Variants in FGD6 observed in about 807,000 individuals in gnomAD.
The protein encoded by FGD6 is FYVE, RhoGEF and PH domain containing 6.
A neutral mutation model predicts 149.4 loss-of-function variants in FGD6; 90 were observed. The ratio of observed to expected loss-of-function variants is 0.60; its 90% CI spans 0.51 to 0.72. The LOEUF (loss-of-function observed/expected upper bound fraction) is 0.72, where lower values mean the gene tolerates loss of function less well. Ranked by LOEUF, FGD6 falls within the 30% of genes least tolerant of loss-of-function variation. The pLI is 0.00. For synonymous variants in FGD6, 527 were observed against 584.0 expected, an observed-to-expected ratio of 0.90 and a Z score of 1.41; for missense variants, 1,437 against 1,684.8, an observed-to-expected ratio of 0.85 and a Z score of 2.57.
intron 2 of FGD6, among the ~76,000 whole-genome samples, chr12:95,185,377 C>T (rs1024006918): frequency 3.9e-5 from 6 of 152,018 alleles, no homozygotes; most frequent in South Asian, 2.1e-4. Context: ...AATAAACATT[C>T]GCTTCTGACA....
At chr12:95,162,252 G>A (rs1373866862) in intron 3 of FGD6, among the ~76,000 whole-genome samples, 5 of 152,076 alleles carry the variant, frequency 3.3e-5, no homozygotes, top group African/African-American at 1.2e-4. Flanking sequence ...GCCAGGTGCG[G>A]TGGCTCACAC....
chr12:95,124,238 T>C (rs1214635707), intron 8 of FGD6, among the ~76,000 whole-genome samples: 2 of 152,136 alleles, frequency 1.3e-5, no homozygotes, highest in Non-Finnish European at 2.9e-5. Flanking sequence ...AGTGGATACA[T>C]TTTCTAGTAG....
chr12:95,134,807 T>G lies in FGD6; in HGVS notation c.3014A>C (p.Asn1005Thr). 2 of 1,613,618 alleles carry G rather than the reference T, an allele frequency of 1.2e-6. No individual in the cohort carries two copies. Among genetic ancestry groups the G allele is most frequent in the Non-Finnish European group, 1.7e-6 (2 of 1,179,822 alleles). Residue 1005 changes from asparagine (N) to threonine (T), a missense_variant, in exon 8 of 21, where the codon AAT becomes ACT. Transcript: ENST00000343958. ...REFEMSPRCA[N>T]LALKHYLLKP... ...GAGCAGGTAGTGCTTGAGGGCCAGA[T>G]TAGCACAGCGAGGGCTCATCTGAAA...
chr12:95,197,485 T>C (rs539890843), intron 2 of FGD6, among the ~76,000 whole-genome samples: 2 of 152,206 alleles, frequency 1.3e-5, no homozygotes, highest in South Asian at 4.2e-4. Flanking sequence ...CCATAAAGTC[T>C]TCCTTCTCTA....
rs546909007 is a variant in FGD6 at position 95,081,400 on chromosome 12, A to C, written c.*120T>G. 1 of 681,286 alleles carries C rather than the reference A, an allele frequency of 1.5e-6. No homozygotes were observed. Among genetic ancestry groups the C allele is most frequent in the East Asian group, 3.2e-5 (1 of 30,970 alleles). The allele number at this position is 681,286 out of a possible 1,614,324, so 42.2% of individuals were successfully genotyped here. ...ACCTAACAAAACAATTTCTTTGATG[A>C]AGGGTCTGGTTGGCTTTATCTTGGC... On this transcript the variant is annotated 3_prime_UTR_variant, in exon 21 of 21. Coordinates refer to ENST00000343958, the MANE Select transcript of FGD6 (RefSeq NM_018351.4).
In FGD6 at chr12:95,157,941, G is replaced by A. The variant is rs146523229; in HGVS notation, c.2587-4948C>T. Among the ~76,000 whole-genome samples, 964 of 152,148 alleles carry A rather than the reference G, an allele frequency of 6.3e-3. 17 individuals carry two copies. Among genetic ancestry groups the A allele is most frequent in the African/African-American group, 0.022 (913 of 41,530 alleles). Reference sequence around the variant, plus strand: ...CAGCTCACTGTAACCTCCACCTCCCGGGTTCAAGCGATTTTCCTGCCTTAG... The same window carrying A: ...CAGCTCACTGTAACCTCCACCTCCCAGGTTCAAGCGATTTTCCTGCCTTAG... On this transcript the variant is annotated intron_variant, in intron 3 of 20. Transcript: ENST00000343958.
At chr12:95,213,907 C>T (rs746567419) in intron 1 of FGD6, among the ~76,000 whole-genome samples, 18 of 152,244 alleles carry the variant, frequency 1.2e-4, no homozygotes, top group Non-Finnish European at 2.1e-4. Context: ...AAGTCACAGA[C>T]ATAACTCAGG....
intron 14 of FGD6, 32 bp from the exon 15 acceptor site, chr12:95,094,726 T>C: frequency 6.7e-7 from 1 of 1,483,986 alleles, no homozygotes; most frequent in Non-Finnish European, 9.4e-7. Context: ...ATCAACCAGA[T>C]GTCAGTTTTT....
intron 8 of FGD6, among the ~76,000 whole-genome samples, chr12:95,132,799 A>C (rs1480155000): frequency 6.6e-6 from 1 of 152,104 alleles, no homozygotes; most frequent in Non-Finnish European, 1.5e-5. Flanking sequence ...ATAATATGTA[A>C]AAATTAATCT....
chr12:95,154,967 TAC>T (rs757346503), intron 3 of FGD6, among the ~76,000 whole-genome samples: 86 of 152,218 alleles, frequency 5.6e-4, no homozygotes, highest in Non-Finnish European at 9.8e-4. Flanking sequence ...AGTTTCCACA[TAC>T]AACACTGAGG....
intron 2 of FGD6, among the ~76,000 whole-genome samples, chr12:95,177,779 A>G (rs1048046386): frequency 6.6e-6 from 1 of 152,044 alleles, no homozygotes; most frequent in Admixed American, 6.6e-5. Context: ...TTGGTATACA[A>G]TTTTCACCAA....
intron 8 of FGD6, among the ~76,000 whole-genome samples, chr12:95,130,981 AG>A (rs1302664113): frequency 6.6e-6 from 1 of 152,194 alleles, no homozygotes; most frequent in East Asian, 1.9e-4. Flanking sequence ...CTTCAATTAA[AG>A]CTGTGTAGCC....
chr12:95,197,380 G>A (rs922073701), intron 2 of FGD6, among the ~76,000 whole-genome samples: 3 of 152,074 alleles, frequency 2.0e-5, no homozygotes, highest in Admixed American at 2.0e-4. Context: ...GGAGGCTGAA[G>A]TGAGATCACG....
At chr12:95,126,392 T>G (rs935419292) in intron 8 of FGD6, 9 of 1,427,970 alleles carry the variant, frequency 6.3e-6, no homozygotes, top group African/African-American at 1.5e-5. Flanking sequence ...AGAAAGCATA[T>G]GAGGCAACTA....
chr12:95,217,401 G>A lies in FGD6; in HGVS notation c.-161C>T. The stretch of plus-strand genomic sequence containing the variant: ...GCCTGAGCGCCACACAAAGGACGCG[G>A]CCGACTCTAGCGACCCTGCGGCGCT... On this transcript the variant is annotated 5_prime_UTR_variant, in exon 1 of 21. Transcript: ENST00000343958. 5 of 1,201,396 alleles carry A rather than the reference G, an allele frequency of 4.2e-6. No individual in the cohort carries two copies. The highest frequency in any genetic ancestry group is 1.9e-5 in the South Asian group (1 of 53,448). The allele number at this position is 1,201,396 out of a possible 1,614,324, so 74.4% of individuals were successfully genotyped here.
chr12:95,097,125 AC>A (rs1339893157), intron 14 of FGD6, among the ~76,000 whole-genome samples: 1 of 152,188 alleles, frequency 6.6e-6, no homozygotes, highest in African/African-American at 2.4e-5. Flanking sequence ...GCTCTTGATA[AC>A]ACATTTCTCA....
intron 2 of FGD6, among the ~76,000 whole-genome samples, chr12:95,181,198 G>A (rs1299480548): frequency 6.6e-6 from 1 of 152,174 alleles, no homozygotes; most frequent in Non-Finnish European, 1.5e-5. Flanking sequence ...ATGTTCAACA[G>A]CCTGCAGGGC....
intron 3 of FGD6, among the ~76,000 whole-genome samples, chr12:95,162,843 T>G (rs1303361335): frequency 6.6e-6 from 1 of 152,196 alleles, no homozygotes; most frequent in Non-Finnish European, 1.5e-5. Context: ...CTTTTATTAT[T>G]ACAACTGAGT....
intron 14 of FGD6, among the ~76,000 whole-genome samples, chr12:95,103,486 G>A (rs745402207): frequency 4.6e-5 from 7 of 152,114 alleles, no homozygotes; most frequent in Non-Finnish European, 1.0e-4. Flanking sequence ...TGCAGGTTCC[G>A]GTCTGGGGCA....
Sources: allele counts gnomAD v4.1 joint callset (sites outside exome capture counted in the v4.1 genomes callset), GRCh38; gene constraint gnomAD v4.1.1; transcripts MANE v1.5; gene names NCBI Gene and HGNC (gene_info 2026-07-23, HGNC 2026-07-21).